ZNF33A: variants seen among roughly 807,000 people sequenced by gnomAD.
The protein encoded by ZNF33A is brain my041 protein.
A neutral mutation model predicts 15.9 loss-of-function variants in ZNF33A; 9 were observed. The observed-to-expected ratio is 0.57, with a 90% CI of 0.34 to 0.99. The LOEUF (loss-of-function observed/expected upper bound fraction) is 0.99, where lower values mean the gene tolerates loss of function less well. ZNF33A is among the 50% of genes least tolerant of loss of function. ZNF33A has a pLI of 0.02. For synonymous variants in ZNF33A, 294 were observed against 324.2 expected (o/e 0.91, Z 1.00); for missense variants, 843 against 941.6 (o/e 0.90, Z 1.37).
At position 38,054,791 on chromosome 10, in the gene ZNF33A, A is replaced by G. The variant is rs931612213; in HGVS notation, c.667A>G (p.Ile223Val). The change falls in exon 5 of 5, where the codon ATA becomes GTA. Residue 223 changes from isoleucine (I) to valine (V), a missense_variant. Physicochemically the swap from Ile to Val is conservative, Grantham distance 29. Transcript: ENST00000432900. ...QTLEHNFEYS[I>V]CQETLLEKAV... The stretch of plus-strand genomic sequence containing the variant: ...TTTAGAGCACAATTTTGAATACAGT[A>G]TATGTCAGGAAACCCTCCTTGAAAA... The G allele has an allele frequency of 1.4e-5, 22 of 1,613,578 alleles. No individual in the cohort carries two copies. The highest frequency in any genetic ancestry group is 6.7e-5 in the East Asian group (3 of 44,870).
intron 4 of ZNF33A, among the ~76,000 whole-genome samples, chr10:38,035,356 G>A (rs1358096406): frequency 2.0e-5 from 3 of 151,942 alleles, no homozygotes; most frequent in Admixed American, 6.6e-5. Flanking sequence ...GATCTTAGGT[G>A]ATCCACCTGC....
At chr10:38,031,284 T>A (rs1803154347) in intron 4 of ZNF33A, among the ~76,000 whole-genome samples, 1 of 152,124 alleles carries the variant, frequency 6.6e-6, no homozygotes, top group African/African-American at 2.4e-5. Context: ...AAGAATTGTC[T>A]CCAGGCTGGG....
chr10:38,045,539 CT>C (rs2065911604), intron 4 of ZNF33A, among the ~76,000 whole-genome samples: 2 of 152,164 alleles, frequency 1.3e-5, no homozygotes, highest in African/African-American at 4.8e-5. Flanking sequence ...TGTTGCCATT[CT>C]GAAAGTCACC....
At chr10:38,051,009 A>T (rs1306440826) in intron 4 of ZNF33A, among the ~76,000 whole-genome samples, 1 of 152,162 alleles carries the variant, frequency 6.6e-6, no homozygotes, top group Non-Finnish European at 1.5e-5. Flanking sequence ...AGAGAACATG[A>T]TTTTCATATA....
upstream of ZNF33A, chr10:38,010,639 G>A: frequency 7.0e-7 from 1 of 1,430,014 alleles, no homozygotes; most frequent in South Asian, 1.1e-5. Flanking sequence ...TGTGCGCGTG[G>A]GCTCTGCGCA....
intron 4 of ZNF33A, among the ~76,000 whole-genome samples, chr10:38,034,652 C>T (rs1413477586): frequency 6.6e-6 from 1 of 152,158 alleles, no homozygotes; most frequent in Non-Finnish European, 1.5e-5. Flanking sequence ...AACAATGTTA[C>T]TCTGCACAAC....
chr10:38,012,115 G>A (rs12260189), intron 1 of ZNF33A, among the ~76,000 whole-genome samples, 183 bp from the exon 2 acceptor site: 4,157 of 152,100 alleles, frequency 0.027, 140 homozygotes, highest in African/African-American at 0.082. Flanking sequence ...CATTTCTACC[G>A]CCTATTCCGA....
chr10:38,056,132 T>C lies in ZNF33A; in HGVS notation c.2008T>C (p.Cys670Arg). The stretch of plus-strand genomic sequence containing the variant: ...AGAAAAGCCCTATAAATGTAATGAA[T>C]GTGGAAAATCTTTCTGTGTAAAATC... ...TQEKPYKCNE[C>R]GKSFCVKSGL... The change falls in exon 5 of 5, where the codon TGT (cysteine) becomes CGT (arginine). Residue 670 changes from cysteine to arginine, a missense_variant. By Grantham distance (180) the Cys-to-Arg change is radical. Coordinates refer to ENST00000432900, the MANE Select transcript of ZNF33A (RefSeq NM_006954.2). 6.2e-7 allele frequency: 1 copy of C among 1,614,120 alleles called. No individual in the cohort carries two copies. The highest frequency in any genetic ancestry group is 8.5e-7 in the Non-Finnish European group (1 of 1,179,998).
At chr10:38,025,908 T>C (rs2064965837) in intron 4 of ZNF33A, among the ~76,000 whole-genome samples, 1 of 152,236 alleles carries the variant, frequency 6.6e-6, no homozygotes, top group Admixed American at 6.5e-5. Flanking sequence ...AGAAACCCTA[T>C]TGCTATTAAG....
At chr10:38,049,743 C>CAA (rs200229620) in intron 4 of ZNF33A, among the ~76,000 whole-genome samples, 13 of 151,694 alleles carry the variant, frequency 8.6e-5, no homozygotes, top group Admixed American at 1.3e-4. Context: ...AAGGAAATAA[C>CAA]AAAAAACAAA....
intron 4 of ZNF33A, 136 bp downstream of exon 4, chr10:38,017,522 A>G (rs1291272662): frequency 5.0e-6 from 3 of 594,644 alleles, no homozygotes; most frequent in Admixed American, 5.4e-5. Context: ...GTGATGGAGA[A>G]TATTGATTCC....
At chr10:38,011,131 C>CG (rs891151695) in intron 1 of ZNF33A, among the ~76,000 whole-genome samples, 1 of 152,210 alleles carries the variant, frequency 6.6e-6, no homozygotes, top group African/African-American at 2.4e-5. Flanking sequence ...CGGGGAAAGG[C>CG]GGGTGCAGTC....
At chr10:38,015,609 C>G (rs2064416569) in intron 2 of ZNF33A, among the ~76,000 whole-genome samples, 1 of 152,182 alleles carries the variant, frequency 6.6e-6, no homozygotes, top group Non-Finnish European at 1.5e-5. Flanking sequence ...GTGTGAGCCA[C>G]CATGCCAAGC....
intron 4 of ZNF33A, among the ~76,000 whole-genome samples, chr10:38,021,406 T>TTGGGAAGCAGAGGCG (rs2064732341): frequency 1.5e-4 from 1 of 6,546 alleles, no homozygotes; most frequent in Non-Finnish European, 3.0e-4. Flanking sequence ...TGTTAGCAAT[T>TTGGGAAGCAGAGGCG]GGTAGAATTA....
At chr10:38,014,360 CAGA>C (rs1274561636) in intron 2 of ZNF33A, among the ~76,000 whole-genome samples, 3 of 152,230 alleles carry the variant, frequency 2.0e-5, no homozygotes, top group East Asian at 3.9e-4. Context: ...TGATTTTTTA[CAGA>C]AGAAGTTTAC....
At chr10:38,016,727 C>A in intron 2 of ZNF33A, 144 bp from the exon 3 acceptor site, 1 of 919,100 alleles carries the variant, frequency 1.1e-6, no homozygotes, top group African/African-American at 1.7e-5. Context: ...GAATTAATAT[C>A]TTAATGCATT....
chr10:38,010,675 G>GTTTCCGCC lies in ZNF33A; in HGVS notation c.-147_-140dup. 6.3e-7 allele frequency: 1 copy of GTTTCCGCC among 1,591,362 alleles called. No homozygotes were observed. The highest frequency in any genetic ancestry group is 8.5e-7 in the Non-Finnish European group (1 of 1,173,354). ...TGCCTCGTCCGCCGGCTACGTCTGC[G>GTTTCCGCC]TTTCCGCCTTTCCTTTTGTTTTTCT... On this transcript the variant is annotated 5_prime_UTR_variant, in exon 1 of 5. Coordinates refer to ENST00000432900, the MANE Select transcript of ZNF33A (RefSeq NM_006954.2).
At chr10:38,051,145 C>G (rs112275558) in intron 4 of ZNF33A, among the ~76,000 whole-genome samples, 1 of 151,936 alleles carries the variant, frequency 6.6e-6, no homozygotes, top group Non-Finnish European at 1.5e-5. Flanking sequence ...AATCATGAAG[C>G]CATTTTTGGT....
At chr10:38,047,310 CAG>C (rs2065989719) in intron 4 of ZNF33A, among the ~76,000 whole-genome samples, 2 of 144,416 alleles carry the variant, frequency 1.4e-5, no homozygotes, top group South Asian at 2.2e-4. Flanking sequence ...CCAAATGAAA[CAG>C]AGAAAAAACA....
Sources: gnomAD v4.1 joint callset for allele counts (sites outside exome capture counted in the v4.1 genomes callset) on GRCh38, gnomAD v4.1.1 for gene constraint, MANE v1.5 for transcripts, NCBI Gene and HGNC (gene_info 2026-07-23, HGNC 2026-07-21) for gene names.